Variants in GAREM1 observed in about 807,000 individuals in gnomAD.
GAREM1 encodes GRB2-associated and regulator of MAPK protein 1.
A neutral mutation model predicts 71.3 loss-of-function variants in GAREM1; 26 were observed. That is an observed-to-expected ratio of 0.36 (90% CI 0.27 to 0.51). The LOEUF (loss-of-function observed/expected upper bound fraction) is 0.51. Ranked by LOEUF, GAREM1 falls within the 20% of genes least tolerant of loss-of-function variation. The pLI is 0.95. For synonymous variants in GAREM1, 440 were observed against 433.2 expected, an observed-to-expected ratio of 1.02 and a Z score of -0.20; for missense variants, 1,026 against 1,103.1, an observed-to-expected ratio of 0.93 and a Z score of 0.99.
At chr18:32,412,263 T>C (rs2048427197) in intron 1 of GAREM1, 34 of 1,575,474 alleles carry the variant, frequency 2.2e-5, no homozygotes, top group South Asian at 3.3e-5. Flanking sequence ...GGAACCGCCA[T>C]AGCCACCTTG....
intron 1 of GAREM1, among the ~76,000 whole-genome samples, chr18:32,464,385 C>T (rs1044650594): frequency 2.6e-5 from 4 of 152,206 alleles, no homozygotes; most frequent in African/African-American, 9.6e-5. Flanking sequence ...GATGTGGTGG[C>T]TCAGGCCTAC....
At chr18:32,298,652 C>T (rs961545959) in intron 3 of GAREM1, among the ~76,000 whole-genome samples, 14 of 152,186 alleles carry the variant, frequency 9.2e-5, no homozygotes, top group African/African-American at 2.6e-4. Context: ...AGCTTGTGGA[C>T]GCGCACACAT....
At chr18:32,379,849 A>G (rs1226335489) in intron 2 of GAREM1, among the ~76,000 whole-genome samples, 1 of 152,194 alleles carries the variant, frequency 6.6e-6, no homozygotes, top group Non-Finnish European at 1.5e-5. Flanking sequence ...TAATTTCAAC[A>G]CCATTTAAAA....
At chr18:32,405,797 T>C (rs2048359618) in intron 1 of GAREM1, among the ~76,000 whole-genome samples, 1 of 152,228 alleles carries the variant, frequency 6.6e-6, no homozygotes, top group African/African-American at 2.4e-5. Flanking sequence ...ATAGCACAGC[T>C]GCCAGCAGGC....
intron 1 of GAREM1, among the ~76,000 whole-genome samples, chr18:32,396,212 A>G (rs1435744701): frequency 6.6e-6 from 1 of 152,222 alleles, no homozygotes; most frequent in Non-Finnish European, 1.5e-5. Context: ...AAAGATGGGG[A>G]AAAAACAGAG....
intron 2 of GAREM1, among the ~76,000 whole-genome samples, chr18:32,351,721 CACAG>C (rs1210079701): frequency 6.7e-6 from 1 of 148,868 alleles, no homozygotes; most frequent in Admixed American, 6.7e-5. Context: ...TTTTTACTTA[CACAG>C]ACAGAACACA....
intron 3 of GAREM1, among the ~76,000 whole-genome samples, chr18:32,288,443 A>G (rs1344257365): frequency 2.0e-5 from 3 of 152,182 alleles, no homozygotes; most frequent in South Asian, 2.1e-4. Context: ...TATGCAGAGT[A>G]ATCTATCATA....
intron 1 of GAREM1, among the ~76,000 whole-genome samples, chr18:32,458,806 G>A (rs138920814): frequency 1.3e-5 from 2 of 152,180 alleles, no homozygotes; most frequent in African/African-American, 4.8e-5. Context: ...GATATTCAAT[G>A]ATATACAAAA....
At chr18:32,379,773 G>C (rs570212288) in intron 2 of GAREM1, among the ~76,000 whole-genome samples, 3 of 152,050 alleles carry the variant, frequency 2.0e-5, no homozygotes, top group African/African-American at 7.2e-5. Context: ...AATACACTTG[G>C]GGGGCTGAGG....
chr18:32,401,407 G>GT (rs566552388), intron 1 of GAREM1, among the ~76,000 whole-genome samples: 93 of 151,890 alleles, frequency 6.1e-4, no homozygotes, highest in African/African-American at 2.0e-3. Context: ...TAACTGCTAA[G>GT]TTTTTTTAAG....
intron 1 of GAREM1, among the ~76,000 whole-genome samples, chr18:32,398,411 G>A (rs1055400286): frequency 2.0e-5 from 3 of 152,070 alleles, no homozygotes; most frequent in East Asian, 1.9e-4. Context: ...AAAATTGATC[G>A]ACCACTAGCA....
chr18:32,356,618 T>TTATTA (rs1336643594), intron 2 of GAREM1, among the ~76,000 whole-genome samples: 7 of 152,214 alleles, frequency 4.6e-5, no homozygotes, highest in African/African-American at 1.7e-4. Flanking sequence ...TGTCAGATAC[T>TTATTA]GTACAAGTGT....
intron 1 of GAREM1, among the ~76,000 whole-genome samples, chr18:32,456,394 T>C (rs564210948): frequency 7.9e-5 from 12 of 152,234 alleles, no homozygotes; most frequent in Admixed American, 2.6e-4. Flanking sequence ...ATAAGAGCTT[T>C]ATATCGATTA....
chr18:32,456,343 C>T (rs926467169), intron 1 of GAREM1, among the ~76,000 whole-genome samples: 16 of 152,000 alleles, frequency 1.1e-4, no homozygotes, highest in African/African-American at 3.9e-4. Flanking sequence ...AAAAAGAGAG[C>T]CCTCAGAATC....
chr18:32,358,924 C>T (rs192086976), intron 2 of GAREM1, among the ~76,000 whole-genome samples: 5 of 152,288 alleles, frequency 3.3e-5, no homozygotes, highest in Admixed American at 2.6e-4. Flanking sequence ...AATTTCAAAA[C>T]GGCGACAGCA....
intron 1 of GAREM1, among the ~76,000 whole-genome samples, chr18:32,457,912 T>A (rs2048912640): frequency 6.6e-6 from 1 of 152,150 alleles, no homozygotes. Context: ...GGACTTTTAA[T>A]TTCTCTTCTT....
At chr18:32,391,049 C>A (rs2048191367) in intron 2 of GAREM1, among the ~76,000 whole-genome samples, 1 of 152,148 alleles carries the variant, frequency 6.6e-6, no homozygotes, top group Non-Finnish European at 1.5e-5. Flanking sequence ...TACAGTCCAA[C>A]TGGTGAGTGT....
chr18:32,282,268 T>TA (rs1363644551), intron 4 of GAREM1, among the ~76,000 whole-genome samples: 2 of 151,930 alleles, frequency 1.3e-5, no homozygotes, highest in East Asian at 3.9e-4. Flanking sequence ...AAATAAAATT[T>TA]AAAAAAACTT....
intron 1 of GAREM1, among the ~76,000 whole-genome samples, chr18:32,449,719 T>A (rs1599056298): frequency 6.6e-6 from 1 of 152,214 alleles, no homozygotes; most frequent in African/African-American, 2.4e-5. Context: ...TATTCTTTCA[T>A]CTTCTGTGAA....
Sources: allele counts gnomAD v4.1 joint callset (sites outside exome capture counted in the v4.1 genomes callset), GRCh38; gene constraint gnomAD v4.1.1; transcripts MANE v1.5; gene names NCBI Gene and HGNC (gene_info 2026-07-23, HGNC 2026-07-21).